KLHL8: variants seen among roughly 807,000 people sequenced by gnomAD.
KLHL8 encodes the protein kelch-like protein 8.
Under a neutral mutation model 63.5 loss-of-function variants are expected in KLHL8, and 38 were observed. The ratio of observed to expected loss-of-function variants is 0.60; its 90% confidence interval spans 0.46 to 0.78. The LOEUF is 0.78. Ranked by LOEUF, KLHL8 falls within the 30% of genes least tolerant of loss-of-function variation. KLHL8 has a pLI of 0.00. For synonymous variants in KLHL8, 224 were observed against 254.3 expected (o/e 0.88, Z 1.13); for missense variants, 566 against 752.4 (o/e 0.75, Z 2.90).
At chr4:87,203,813 A>C (rs1376646929) in intron 1 of KLHL8, among the ~76,000 whole-genome samples, 1 of 152,034 alleles carries the variant, frequency 6.6e-6, no homozygotes, top group East Asian at 1.9e-4. Flanking sequence ...CATCAAAATT[A>C]AAACCTTTTG....
At chr4:87,178,656 GC>G (rs1199593294) in intron 4 of KLHL8, 36 bp from the exon 5 acceptor site, 2 of 1,474,700 alleles carry the variant, frequency 1.4e-6, no homozygotes, top group Non-Finnish European at 1.8e-6. Context: ...ATAAATCATA[GC>G]TGCCAAGTTG....
intron 1 of KLHL8, among the ~76,000 whole-genome samples, chr4:87,209,782 C>T (rs1429482502): frequency 1.1e-4 from 16 of 151,484 alleles, no homozygotes; most frequent in Non-Finnish European, 1.6e-4. Context: ...TTTCATACTA[C>T]ACATTAATCA....
At chr4:87,233,438 G>A in intron 1 of KLHL8, among the ~76,000 whole-genome samples, 1 of 152,104 alleles carries the variant, frequency 6.6e-6, no homozygotes, top group East Asian at 1.9e-4. Flanking sequence ...GCTGGGCGTT[G>A]TGGCACGCAC....
intron 1 of KLHL8, among the ~76,000 whole-genome samples, chr4:87,226,472 G>A (rs1423547037): frequency 6.7e-6 from 1 of 148,870 alleles, no homozygotes; most frequent in African/African-American, 2.5e-5. Flanking sequence ...TGAGGCAGAA[G>A]AGTTGCGTGA....
chr4:87,163,845 T>C (rs779688373), intron 9 of KLHL8, 33 bp downstream of exon 9: 8 of 1,597,366 alleles, frequency 5.0e-6, no homozygotes, highest in Non-Finnish European at 6.9e-6. Flanking sequence ...TACCAGAAGA[T>C]AATATAAAGC....
intron 1 of KLHL8, chr4:87,208,117 A>G: frequency 4.3e-6 from 2 of 469,888 alleles, no homozygotes; most frequent in South Asian, 3.4e-5. Context: ...AGCCCCAGAG[A>G]GAGCATGAGA....
At chr4:87,198,246 G>C (rs1731778709) in intron 1 of KLHL8, among the ~76,000 whole-genome samples, 1 of 152,102 alleles carries the variant, frequency 6.6e-6, no homozygotes, top group African/African-American at 2.4e-5. Flanking sequence ...CTTGAACCCG[G>C]GAGGCGGAGG....
intron 1 of KLHL8, among the ~76,000 whole-genome samples, chr4:87,235,402 T>TA (rs1231672462): frequency 6.6e-6 from 1 of 152,248 alleles, no homozygotes; most frequent in African/African-American, 2.4e-5. Context: ...AGCAGTAGGC[T>TA]AGACCATATA....
Position 87,192,536 on chromosome 4 carries a change from C to T in KLHL8, c.216+2788G>A, listed in dbSNP as rs573121943. 3.2e-3 allele frequency among the ~76,000 whole-genome samples: 493 copies of T among 152,258 alleles called. 2 individuals carry two copies. The highest frequency in any genetic ancestry group is 0.011 in the African/African-American group (471 of 41,554). On this transcript the variant is annotated intron_variant, in intron 2 of 9. Transcript: ENST00000273963. ...CAGTTTTCAGTATGGTAATAGGCTA[C>T]GCAGGCTTATATCCCAGCAACAACA...
intron 1 of KLHL8, among the ~76,000 whole-genome samples, chr4:87,216,690 C>T (rs946712196): frequency 6.6e-6 from 1 of 152,130 alleles, no homozygotes; most frequent in Non-Finnish European, 1.5e-5. Flanking sequence ...TAAGAACCAA[C>T]TAAATCATTC....
At chr4:87,232,855 T>C (rs573722277) in intron 1 of KLHL8, among the ~76,000 whole-genome samples, 74 of 152,300 alleles carry the variant, frequency 4.9e-4, no homozygotes, top group South Asian at 1.7e-3. Flanking sequence ...AAATCCATGT[T>C]CAATTTGTTG....
upstream of KLHL8, among the ~76,000 whole-genome samples, chr4:87,225,011 C>T (rs933359200): frequency 3.3e-5 from 5 of 152,144 alleles, no homozygotes; most frequent in African/African-American, 9.6e-5. Context: ...CTCCTGGCCT[C>T]GAGGGATCCT....
rs1732204204 is a variant in KLHL8, at chr4:87,207,816, C to T, written c.-151-12126G>A. On this transcript the variant is annotated intron_variant, in intron 1 of 9. Transcript: ENST00000273963. ...CCACTGCCAAGGTGTCGGTCATTAA[C>T]CTGACCTGCCATCTGGAAAAACCTG... 60 of 1,111,074 alleles carry T rather than the reference C, an allele frequency of 5.4e-5. 2 individuals carry two copies. The South Asian group carries it at 7.3e-4, about 13-fold the overall frequency. The allele number at this position is 1,111,074 out of a possible 1,614,324, so 68.8% of individuals were successfully genotyped here.
chr4:87,175,318 T>G (rs1387871344), intron 6 of KLHL8, among the ~76,000 whole-genome samples: 2 of 152,178 alleles, frequency 1.3e-5, no homozygotes, highest in Non-Finnish European at 2.9e-5. Context: ...TCCCTTAATC[T>G]AAGGCTTCAC....
chr4:87,173,879 G>A (rs1269294317), intron 6 of KLHL8, among the ~76,000 whole-genome samples: 1 of 146,498 alleles, frequency 6.8e-6, no homozygotes, highest in Non-Finnish European at 1.5e-5. Flanking sequence ...TAGACAGTGG[G>A]AGATAACAGT....
intron 1 of KLHL8, among the ~76,000 whole-genome samples, chr4:87,205,745 T>G (rs973223342): frequency 6.6e-6 from 1 of 152,156 alleles, no homozygotes; most frequent in Non-Finnish European, 1.5e-5. Flanking sequence ...ACTACAGGCC[T>G]GAGCCACTGC....
At chr4:87,226,937 A>ATAATATATATTATATATAAG (rs1365926799) in intron 1 of KLHL8, among the ~76,000 whole-genome samples, 1 of 49,706 alleles carries the variant, frequency 2.0e-5, no homozygotes, top group African/African-American at 7.1e-5. Context: ...TTATATATAA[A>ATAATATATATTATATATAAG]TAATATATAT....
At chr4:87,233,274 G>A (rs1733169821) in intron 1 of KLHL8, among the ~76,000 whole-genome samples, 1 of 152,006 alleles carries the variant, frequency 6.6e-6, no homozygotes, top group Non-Finnish European at 1.5e-5. Context: ...AACTCCAATG[G>A]GAGGTAGCTT....
At chr4:87,189,839 C>T (rs1731410463) in intron 2 of KLHL8, among the ~76,000 whole-genome samples, 1 of 151,494 alleles carries the variant, frequency 6.6e-6, no homozygotes, top group Non-Finnish European at 1.5e-5. Context: ...ACCATCCTGG[C>T]TAACATGGTG....
Sources: gnomAD v4.1 joint callset for allele counts (sites outside exome capture counted in the v4.1 genomes callset) on GRCh38, gnomAD v4.1.1 for gene constraint, MANE v1.5 for transcripts, NCBI Gene and HGNC (gene_info 2026-07-23, HGNC 2026-07-21) for gene names.